CUX1: variants seen among roughly 807,000 people sequenced by gnomAD.
CUX1 encodes the protein cut like homeobox 1, also known as protein CASP.
A neutral mutation model predicts 158.8 loss-of-function variants in CUX1; 31 were observed. The ratio of observed to expected loss-of-function variants is 0.20; its 90% confidence interval spans 0.15 to 0.26. CUX1 has a LOEUF of 0.26. Among genes scored for constraint, CUX1 ranks in the 10% least tolerant of loss-of-function variants. The probability of loss-of-function intolerance (pLI) is 1.00; values close to 1 mark genes in which losing one functional copy is unlikely to be tolerated. For synonymous variants in CUX1, 879 were observed against 862.1 expected, an observed-to-expected ratio of 1.02 and a Z score of -0.34; for missense variants, 1,589 against 2,014.6, an observed-to-expected ratio of 0.79 and a Z score of 4.04.
intron 9 of CUX1, among the ~76,000 whole-genome samples, chr7:102,165,337 G>A (rs950125454): frequency 1.3e-5 from 2 of 150,170 alleles, no homozygotes; most frequent in East Asian, 1.9e-4. Context: ...CGGGCACTGC[G>A]GTTAGGGGAA....
chr7:102,189,926 T>C (rs924082610), intron 12 of CUX1, 55 bp downstream of exon 12: 12 of 1,580,794 alleles, frequency 7.6e-6, no homozygotes, highest in Non-Finnish European at 1.0e-5. Context: ...TAGGGCCATC[T>C]GCTAACAATG....
chr7:101,900,218 G>A (rs576170463), intron 1 of CUX1, among the ~76,000 whole-genome samples: 96 of 152,288 alleles, frequency 6.3e-4, no homozygotes, highest in African/African-American at 2.2e-3. Context: ...GAGGATTGAC[G>A]CGGCCCCTTT....
intron 1 of CUX1, among the ~76,000 whole-genome samples, chr7:101,873,115 C>G (rs1413914886): frequency 4.0e-5 from 6 of 151,572 alleles, no homozygotes; most frequent in Non-Finnish European, 8.8e-5. Context: ...TTGTGATCCT[C>G]CCATCTAGGT....
At chr7:102,011,298 G>C (rs937779939) in intron 2 of CUX1, among the ~76,000 whole-genome samples, 7 of 151,916 alleles carry the variant, frequency 4.6e-5, no homozygotes, top group African/African-American at 1.7e-4. Context: ...CGGAGGACAC[G>C]TTTGGATTTT....
rs558992717 is a variant in CUX1 at position 102,252,715 on chromosome 7, A to T, written c.*3673A>T. ...GCCCAACTCACTTCCACCCCAGAGG[A>T]GTCTTCTGTCCTCCTCCCCAACCCC... On this transcript the variant is annotated 3_prime_UTR_variant, in exon 24 of 24. Coordinates refer to ENST00000292535, the MANE Select transcript of CUX1 (RefSeq NM_181552.4). The T allele has an allele frequency of 1.0e-6, 1 of 985,234 alleles. No individual in the cohort carries two copies. The highest frequency in any genetic ancestry group is 1.7e-5 in the African/African-American group (1 of 57,204). The allele number at this position is 985,234 out of a possible 1,614,324, so 61.0% of individuals were successfully genotyped here. A position where few individuals can be genotyped will look rare whatever the true frequency, so the allele number is the denominator to read the frequency against.
chr7:101,912,431 C>A (rs112401044), intron 1 of CUX1, among the ~76,000 whole-genome samples: 1 of 152,150 alleles, frequency 6.6e-6, no homozygotes, highest in Non-Finnish European at 1.5e-5. Context: ...CAGAGGCTCA[C>A]GTGTCCCACA....
chr7:101,818,523 T>C (rs1443489503), intron 1 of CUX1, among the ~76,000 whole-genome samples: 1 of 152,216 alleles, frequency 6.6e-6, no homozygotes, highest in Non-Finnish European at 1.5e-5. Context: ...CTTCAGGGGA[T>C]CAGGGCTCCA....
At chr7:101,989,758 C>A (rs774981078) in intron 2 of CUX1, among the ~76,000 whole-genome samples, 1 of 152,196 alleles carries the variant, frequency 6.6e-6, no homozygotes, top group Admixed American at 6.5e-5. Flanking sequence ...CTCCTACCCC[C>A]GTCCTTCCCA....
chr7:102,256,178 A>C lies in CUX1; in HGVS notation c.*7136A>C. The C allele has an allele frequency of 1.0e-6, 1 of 985,480 alleles. No individual in the cohort carries two copies. Among genetic ancestry groups the C allele is most frequent in the Non-Finnish European group, 1.2e-6 (1 of 829,966 alleles). 61.0% of individuals were successfully genotyped at this position (985,480 alleles called of 1,614,324 possible). A position where few individuals can be genotyped will look rare whatever the true frequency, so the allele number is the denominator to read the frequency against. On this transcript the variant is annotated 3_prime_UTR_variant, in exon 24 of 24. Coordinates refer to ENST00000292535, the MANE Select transcript of CUX1 (RefSeq NM_181552.4). ...GCAGGATAGGGAGTATCCGTGATTCAGAAGCTGAGACCCTTCCCCAGTGTC... is the reference window on the plus strand; with the variant it reads ...GCAGGATAGGGAGTATCCGTGATTCCGAAGCTGAGACCCTTCCCCAGTGTC...
intron 3 of CUX1, among the ~76,000 whole-genome samples, chr7:102,054,205 G>C (rs1823864107): frequency 1.3e-5 from 2 of 152,086 alleles, no homozygotes; most frequent in African/African-American, 4.8e-5. Context: ...TTGTGCTTTT[G>C]GCATCATACC....
At chr7:101,842,672 C>T (rs1795290612) in intron 1 of CUX1, among the ~76,000 whole-genome samples, 1 of 152,086 alleles carries the variant, frequency 6.6e-6, no homozygotes, top group Non-Finnish European at 1.5e-5. Context: ...AGGTGTGAGC[C>T]ACCATGCTGG....
At chr7:101,845,550 G>C (rs542370446) in intron 1 of CUX1, among the ~76,000 whole-genome samples, 2 of 152,276 alleles carry the variant, frequency 1.3e-5, no homozygotes, top group African/African-American at 4.8e-5. Context: ...AGTGGGGAGG[G>C]AATAGAGGAG....
intron 1 of CUX1, among the ~76,000 whole-genome samples, chr7:101,880,666 G>A (rs1010583781): frequency 6.6e-6 from 1 of 152,230 alleles, no homozygotes; most frequent in Non-Finnish European, 1.5e-5. Context: ...AAAGCAAATA[G>A]AATGAAATAT....
chr7:101,816,099 GCTC>G, upstream of CUX1: 2 of 1,360,322 alleles, frequency 1.5e-6, no homozygotes, highest in South Asian at 2.5e-5. Flanking sequence ...TGCAGGTCAG[GCTC>G]CTCCGCGCTC....
intron 15 of CUX1, among the ~76,000 whole-genome samples, chr7:102,273,958 C>T (rs986992708): frequency 6.6e-6 from 1 of 152,246 alleles, no homozygotes; most frequent in African/African-American, 2.4e-5. Flanking sequence ...GTTGCAGGGC[C>T]AGGGAGGCCC....
rs565286351 is a variant in CUX1, at chr7:102,205,309, G to T, written c.3130+139G>T. 51 of 661,546 alleles carry T rather than the reference G, an allele frequency of 7.7e-5. No homozygotes were observed. In the Middle Eastern group the frequency reaches 1.7e-3, roughly 21 times the overall value. 41.0% of individuals were successfully genotyped at this position (661,546 alleles called of 1,614,324 possible). ...GGAGCTGAAATATGGCATCCTATCTGCAAACGGGGTCCCTCTCTGTGTCAG... is the reference window on the plus strand; with the variant it reads ...GGAGCTGAAATATGGCATCCTATCTTCAAACGGGGTCCCTCTCTGTGTCAG... On this transcript the variant is annotated intron_variant, in intron 20 of 23. Transcript: ENST00000292535.
chr7:102,186,445 T>C (rs1403402759), intron 11 of CUX1, among the ~76,000 whole-genome samples: 1 of 152,076 alleles, frequency 6.6e-6, no homozygotes, highest in Non-Finnish European at 1.5e-5. Flanking sequence ...GCTGTTTAGC[T>C]CTCAGCAAAA....
chr7:102,249,353 C>T lies in CUX1; in HGVS notation c.*311C>T, dbSNP rs966971259. ...ACCGCTTTGCGCACTTACCGCCCTG[C>T]GGGCCACAGGGCAAAATCGCCATAG... On this transcript the variant is annotated 3_prime_UTR_variant, in exon 24 of 24. Transcript: ENST00000292535. 60 of 1,005,550 alleles carry T rather than the reference C, an allele frequency of 6.0e-5. No individual in the cohort carries two copies. The highest frequency in any genetic ancestry group is 6.9e-5 in the Non-Finnish European group (58 of 842,830). 62.3% of individuals were successfully genotyped at this position (1,005,550 alleles called of 1,614,324 possible).
intron 2 of CUX1, among the ~76,000 whole-genome samples, chr7:101,976,363 C>G (rs1303359941): frequency 6.6e-6 from 1 of 152,080 alleles, no homozygotes; most frequent in Non-Finnish European, 1.5e-5. Context: ...AGCTCATTTT[C>G]CCAATGCAAT....
Sources: allele counts gnomAD v4.1 joint callset (sites outside exome capture counted in the v4.1 genomes callset), GRCh38; gene constraint gnomAD v4.1.1; transcripts MANE v1.5; gene names NCBI Gene and HGNC (gene_info 2026-07-23, HGNC 2026-07-21).